The following ATP2B2 variants were observed in gnomAD, a reference collection of about 807,000 sequenced individuals.
The protein encoded by ATP2B2 is plasma membrane calcium-transporting ATPase 2.
ATP2B2 carries 15 observed loss-of-function variants against 120.0 expected under a neutral mutation model. That is an observed-to-expected ratio of 0.12 (90% CI 0.08 to 0.19). The LOEUF (loss-of-function observed/expected upper bound fraction) is 0.19, where lower values mean the gene tolerates loss of function less well. ATP2B2 is among the 10% of genes least tolerant of loss of function. The pLI is 1.00. For synonymous variants in ATP2B2, 694 were observed against 700.3 expected, an observed-to-expected ratio of 0.99 and a Z score of 0.14; for missense variants, 1,045 against 1,719.8, an observed-to-expected ratio of 0.61 and a Z score of 6.94.
At chr3:10,442,580 CTG>C (rs1335303909) in intron 2 of ATP2B2, among the ~76,000 whole-genome samples, 1 of 152,184 alleles carries the variant, frequency 6.6e-6, no homozygotes, top group Non-Finnish European at 1.5e-5. Flanking sequence ...TCACATTAAA[CTG>C]TGCTTTTGAA....
intron 1 of ATP2B2, among the ~76,000 whole-genome samples, chr3:10,672,520 C>T (rs890552856): frequency 2.0e-5 from 3 of 152,242 alleles, no homozygotes; most frequent in African/African-American, 4.8e-5. Flanking sequence ...GTCAAAAACA[C>T]AGCTTTGCAT....
At chr3:10,364,892 G>A (rs1418541928) in intron 12 of ATP2B2, among the ~76,000 whole-genome samples, 1 of 152,192 alleles carries the variant, frequency 6.6e-6, no homozygotes, top group Non-Finnish European at 1.5e-5. Context: ...ACAGGCATCA[G>A]CAATGACGTC....
At chr3:10,556,884 G>A (rs574274020) in intron 2 of ATP2B2, among the ~76,000 whole-genome samples, 1 of 152,316 alleles carries the variant, frequency 6.6e-6, no homozygotes, top group South Asian at 2.1e-4. Context: ...TATTTTGCAA[G>A]TGTGCAAAAG....
chr3:10,655,735 A>G (rs1178551211), intron 1 of ATP2B2, among the ~76,000 whole-genome samples: 3 of 152,134 alleles, frequency 2.0e-5, no homozygotes, highest in African/African-American at 7.2e-5. Context: ...CTTTCTCTCT[A>G]TTTCTTCCTA....
At chr3:10,366,427 C>T (rs532503818) in intron 12 of ATP2B2, among the ~76,000 whole-genome samples, 5 of 152,190 alleles carry the variant, frequency 3.3e-5, no homozygotes, top group African/African-American at 7.2e-5. Flanking sequence ...TCAGGAAAAC[C>T]ATCCTGCAGG....
At position 10,467,423 on chromosome 3, in the gene ATP2B2, C is replaced by A. The variant is rs544292784; in HGVS notation, c.-319-17561G>T. Among the ~76,000 whole-genome samples the A allele has an allele frequency of 4.6e-5, 7 of 152,332 alleles. No individual in the cohort carries two copies. The East Asian group carries it at 1.4e-3, about 29-fold the overall frequency. On this transcript the variant is annotated intron_variant, in intron 1 of 22. Transcript: ENST00000360273. ...TCCTATGCTAACCCCACTCTCCGGG[C>A]AGTCAGCTGATCCCTCCATGGGGCT...
chr3:10,670,169 G>GT (rs2071058010), intron 1 of ATP2B2, among the ~76,000 whole-genome samples: 1 of 152,188 alleles, frequency 6.6e-6, no homozygotes, highest in Admixed American at 6.5e-5. Flanking sequence ...GGTCGAGTAT[G>GT]TATTCCAGCA....
At chr3:10,410,571 G>A (rs547926206) in intron 3 of ATP2B2, 47 bp downstream of exon 3, 26 of 1,543,236 alleles carry the variant, frequency 1.7e-5, no homozygotes, top group South Asian at 4.9e-5. Context: ...GCGTGGATGC[G>A]GTGGCCAGGT....
At chr3:10,386,143 G>C (rs2061671773) in intron 7 of ATP2B2, among the ~76,000 whole-genome samples, 1 of 152,236 alleles carries the variant, frequency 6.6e-6, no homozygotes, top group Non-Finnish European at 1.5e-5. Context: ...AGGGGTGCTG[G>C]TGGGGAGAGC....
intron 1 of ATP2B2, among the ~76,000 whole-genome samples, chr3:10,481,019 G>C (rs1408748337): frequency 6.6e-6 from 1 of 152,146 alleles, no homozygotes; most frequent in Non-Finnish European, 1.5e-5. Context: ...CCTAGTCTCA[G>C]AGCAGACCCT....
intron 12 of ATP2B2, among the ~76,000 whole-genome samples, chr3:10,360,856 C>G (rs2060877256): frequency 1.3e-5 from 2 of 152,222 alleles, no homozygotes; most frequent in Non-Finnish European, 2.9e-5. Context: ...TGTCAAGATT[C>G]AGGACAGTTC....
chr3:10,402,070 C>T lies in ATP2B2; in HGVS notation c.655+21G>A, dbSNP rs761418720. On this transcript the variant is annotated intron_variant, in intron 4 of 22. Transcript: ENST00000360273. This position sits in a 1 kb window ranked among gnomAD's most constrained non-coding sequence, Gnocchi z 4.9. The stretch of plus-strand genomic sequence containing the variant: ...GCCGGAATCCAGCTTTAGAACCTGG[C>T]TCTGTGGCTGGGACACTTACCATAT... 6.2e-7 allele frequency: 1 copy of T among 1,612,564 alleles called. No homozygotes were observed. The highest frequency in any genetic ancestry group is 2.2e-5 in the East Asian group (1 of 44,880).
chr3:10,357,371 G>A (rs569694552), intron 14 of ATP2B2, among the ~76,000 whole-genome samples: 1 of 152,178 alleles, frequency 6.6e-6, no homozygotes, highest in Non-Finnish European at 1.5e-5. Context: ...TCACAGATCT[G>A]TCTGATGTCT....
At chr3:10,703,491 T>C (rs1411490842) in intron 1 of ATP2B2, among the ~76,000 whole-genome samples, 2 of 152,200 alleles carry the variant, frequency 1.3e-5, no homozygotes, top group African/African-American at 4.8e-5. Context: ...CATTTGTTCC[T>C]CAAATTGTTG....
At chr3:10,480,284 C>T (rs546161017) in intron 1 of ATP2B2, among the ~76,000 whole-genome samples, 53 of 152,260 alleles carry the variant, frequency 3.5e-4, no homozygotes, top group South Asian at 6.2e-4. Flanking sequence ...CAACACCGAC[C>T]GACAGCGTTG....
At position 10,391,341 on chromosome 3, in the gene ATP2B2, T is replaced by C. The variant is rs114781400; in HGVS notation, c.782-2939A>G. Among the ~76,000 whole-genome samples the C allele has an allele frequency of 6.5e-3, 983 of 152,322 alleles. 16 individuals carry two copies. Among genetic ancestry groups the C allele is most frequent in the African/African-American group, 0.022 (902 of 41,572 alleles). On this transcript the variant is annotated intron_variant, in intron 5 of 22. Coordinates refer to ENST00000360273, the MANE Select transcript of ATP2B2 (RefSeq NM_001001331.4). ...CTCCAGGGGCAAGGCCCTCACATTC[T>C]GGTCTGAGACACATTCTGCTCTGAG...
At position 10,475,497 on chromosome 3, in the gene ATP2B2, C is replaced by T. The variant is rs539959113; in HGVS notation, c.-319-25635G>A. On this transcript the variant is annotated intron_variant, in intron 1 of 22. Transcript: ENST00000360273. ...GGCACCACACATTTGGTCATGGGCA[C>T]GGATTGGGGTTAGGCAGATCTGTGC... Among the ~76,000 whole-genome samples the T allele has an allele frequency of 2.6e-5, 4 of 152,324 alleles. No homozygotes were observed. The East Asian group carries it at 5.8e-4, about 22-fold the overall frequency.
intron 1 of ATP2B2, among the ~76,000 whole-genome samples, chr3:10,671,931 A>G (rs1164420333): frequency 6.6e-6 from 1 of 152,254 alleles, no homozygotes; most frequent in Non-Finnish European, 1.5e-5. Flanking sequence ...TGAATAATCA[A>G]TAAAGCCAAA....
intron 1 of ATP2B2, among the ~76,000 whole-genome samples, chr3:10,638,118 C>A (rs535765388): frequency 6.6e-6 from 1 of 152,218 alleles, no homozygotes; most frequent in Admixed American, 6.5e-5. Flanking sequence ...ACCAACAGAA[C>A]TGTACTATAA....
Sources: gnomAD v4.1 joint callset for allele counts (sites outside exome capture counted in the v4.1 genomes callset) on GRCh38, gnomAD v4.1.1 for gene constraint, Gnocchi (gnomAD v3.1) non-coding constraint, MANE v1.5 for transcripts, NCBI Gene and HGNC (gene_info 2026-07-23, HGNC 2026-07-21) for gene names.